The following MYBPC1 variants were observed in gnomAD, a reference collection of about 807,000 sequenced individuals.
The protein encoded by MYBPC1 is myosin-binding protein C, slow-type.
MYBPC1 carries 52 observed loss-of-function variants against 147.1 expected under a neutral mutation model. The observed-to-expected ratio is 0.35, with a 90% CI of 0.28 to 0.45. The LOEUF (loss-of-function observed/expected upper bound fraction) is 0.45, where lower values mean the gene tolerates loss of function less well. Ranked by LOEUF, MYBPC1 falls within the 20% of genes least tolerant of loss-of-function variation. The pLI is 1.00. For missense variants in MYBPC1, 1,228 were observed against 1,440.3 expected (o/e 0.85, Z 2.39); for synonymous variants, 477 against 475.9 (o/e 1.00, Z -0.03).
chr12:101,604,927 C>T (rs918188030), intron 1 of MYBPC1, among the ~76,000 whole-genome samples: 3 of 152,174 alleles, frequency 2.0e-5, no homozygotes, highest in African/African-American at 7.2e-5. Context: ...AAGGCACTGA[C>T]TTTCTGGGTC....
At chr12:101,619,432 C>A (rs1886878157) in intron 3 of MYBPC1, among the ~76,000 whole-genome samples, 1 of 152,124 alleles carries the variant, frequency 6.6e-6, no homozygotes, top group African/African-American at 2.4e-5. Flanking sequence ...TTGACATTGG[C>A]CCCCTCATCT....
chr12:101,670,507 G>A, intron 24 of MYBPC1, 98 bp downstream of exon 24: 1 of 1,038,050 alleles, frequency 9.6e-7, no homozygotes. Context: ...CATGATTCAG[G>A]ATTTCCTCAG....
chr12:101,596,474 C>G (rs868833336), intron 1 of MYBPC1, among the ~76,000 whole-genome samples: 1 of 152,216 alleles, frequency 6.6e-6, no homozygotes, highest in Non-Finnish European at 1.5e-5. Flanking sequence ...TACCCAGAAG[C>G]AATACATTCT....
At chr12:101,615,318 T>C (rs969579886) in intron 2 of MYBPC1, among the ~76,000 whole-genome samples, 2 of 152,174 alleles carry the variant, frequency 1.3e-5, no homozygotes, top group African/African-American at 4.8e-5. Context: ...ACCAAAATCA[T>C]GTGCATTTTC....
At chr12:101,670,441 T>C (rs925644276) in intron 24 of MYBPC1, 32 bp downstream of exon 24, 3 of 1,562,412 alleles carry the variant, frequency 1.9e-6, no homozygotes, top group Admixed American at 1.7e-5. Flanking sequence ...TTTTTCTCTT[T>C]AGAGGGCTGG....
rs767264905 is a variant in MYBPC1 at position 101,629,473 on chromosome 12, C to A, written c.218C>A (p.Ala73Asp). 8.7e-6 allele frequency: 14 copies of A among 1,613,804 alleles called. No homozygotes were observed. The African/African-American group carries it at 1.9e-4, about 22-fold the overall frequency. Reference sequence around the variant, plus strand: ...GAAACTCCTCCTGGGGAGGAACAAGCCAAGCAGAATGCCAACTCCCAGCTG... The same window carrying A: ...GAAACTCCTCCTGGGGAGGAACAAGACAAGCAGAATGCCAACTCCCAGCTG... ...LVETPPGEEQAKQNANSQLSI... is the reference protein window; with the variant it reads ...LVETPPGEEQDKQNANSQLSI... The change falls in exon 6 of 32, where the codon GCC becomes GAC. Residue 73 changes from alanine to aspartate, a missense_variant. Ala to Asp is a moderately radical substitution (Grantham distance 126). Transcript: ENST00000361466.
intron 6 of MYBPC1, among the ~76,000 whole-genome samples, chr12:101,630,498 C>A (rs895089948): frequency 6.6e-6 from 1 of 152,156 alleles, no homozygotes; most frequent in African/African-American, 2.4e-5. Flanking sequence ...TTGAACAGTG[C>A]CTGACACACC....
intron 2 of MYBPC1, chr12:101,614,895 C>T (rs190908123): frequency 6.0e-6 from 2 of 333,722 alleles, no homozygotes; most frequent in Admixed American, 4.4e-5. Context: ...TCAAACAAAC[C>T]CACATCTTCT....
chr12:101,617,518 C>A (rs1886403387), intron 3 of MYBPC1, among the ~76,000 whole-genome samples: 2 of 152,154 alleles, frequency 1.3e-5, no homozygotes, highest in Non-Finnish European at 2.9e-5. Context: ...CAAGTTTCGA[C>A]ATGCATGCTA....
chr12:101,605,813 G>A (rs890218248), intron 1 of MYBPC1, among the ~76,000 whole-genome samples: 14 of 152,166 alleles, frequency 9.2e-5, no homozygotes, highest in African/African-American at 3.1e-4. Context: ...ACTGAGCCGA[G>A]ATCATGCCAT....
At chr12:101,607,231 T>C (rs2135684171) in intron 1 of MYBPC1, among the ~76,000 whole-genome samples, 1 of 152,296 alleles carries the variant, frequency 6.6e-6, no homozygotes, top group Middle Eastern at 3.4e-3. Context: ...TGTCTGGGCA[T>C]ATGAGGTCCA....
In MYBPC1 at chr12:101,642,665, C is replaced by T; in HGVS notation, c.832+80C>T. On this transcript the variant is annotated intron_variant, in intron 11 of 31. Transcript: ENST00000361466. Reference sequence around the variant, plus strand: ...CCTTGACCGTGAACCCCATCCCGAGCTCCTTCCAGTCTCCCGCGGGGTTGG... The same window carrying T: ...CCTTGACCGTGAACCCCATCCCGAGTTCCTTCCAGTCTCCCGCGGGGTTGG... 5.4e-6 allele frequency: 8 copies of T among 1,482,896 alleles called. No individual in the cohort carries two copies. In the South Asian group the frequency reaches 7.3e-5, roughly 13 times the overall value. 91.9% of individuals were successfully genotyped at this position (1,482,896 alleles called of 1,614,324 possible).
intron 27 of MYBPC1, 144 bp from the exon 28 acceptor site, chr12:101,677,958 T>A (rs369942600): frequency 5.9e-5 from 61 of 1,033,796 alleles, no homozygotes; most frequent in African/African-American, 4.9e-4. Context: ...CCCCTCAGAA[T>A]GTTTGCCACA....
intron 16 of MYBPC1, among the ~76,000 whole-genome samples, chr12:101,651,735 G>A (rs936304015): frequency 1.3e-5 from 2 of 152,114 alleles, no homozygotes; most frequent in Non-Finnish European, 2.9e-5. Context: ...GAGCTCAGGA[G>A]TTCAAGAGCT....
At chr12:101,678,355 T>C (rs962989212) in intron 28 of MYBPC1, 117 bp downstream of exon 28, 3 of 1,436,886 alleles carry the variant, frequency 2.1e-6, no homozygotes, top group Non-Finnish European at 2.9e-6. Flanking sequence ...GGATGGGGGA[T>C]TAGAAGGTGG....
intron 22 of MYBPC1, 42 bp downstream of exon 22, chr12:101,663,602 G>T (rs776716442): frequency 1.3e-6 from 2 of 1,596,972 alleles, no homozygotes; most frequent in Admixed American, 1.7e-5. Flanking sequence ...GTCATCAATA[G>T]GTGAGATATG....
chr12:101,635,566 C>T (rs959150279), intron 9 of MYBPC1, among the ~76,000 whole-genome samples: 3 of 152,058 alleles, frequency 2.0e-5, no homozygotes, highest in East Asian at 3.8e-4. Context: ...TCCACTTTCC[C>T]TTCATCCCAT....
intron 3 of MYBPC1, among the ~76,000 whole-genome samples, chr12:101,621,655 T>C (rs1045302358): frequency 1.3e-5 from 2 of 152,222 alleles, no homozygotes; most frequent in Non-Finnish European, 2.9e-5. Context: ...GCTTTTGGTC[T>C]TTATTATTAA....
At position 101,662,487 on chromosome 12, in the gene MYBPC1, C is replaced by T. The variant is rs1414318034; in HGVS notation, c.2162C>T (p.Ala721Val). ...EGVAYEVRIF[A>V]VNAIGISKPS... is the part of the protein sequence containing the mutation. The stretch of plus-strand genomic sequence containing the variant: ...GTGGCCTATGAGGTCCGCATCTTTG[C>T]AGTCAATGCCATTGGCATCTCCAAG... The change falls in exon 21 of 32, where the codon GCA becomes GTA. Residue 721 changes from alanine (A) to valine (V), a missense_variant. Physicochemically the swap from Ala to Val is moderately conservative, Grantham distance 64. This residue lies in a region of MYBPC1 where 1,077 missense variants were observed against 1,314.2 expected (regional missense o/e 0.82). Transcript: ENST00000361466. 3 of 1,614,248 alleles carry T rather than the reference C, an allele frequency of 1.9e-6. No homozygotes were observed. The highest frequency in any genetic ancestry group is 2.5e-6 in the Non-Finnish European group (3 of 1,180,040).
Sources: allele counts gnomAD v4.1 joint callset (sites outside exome capture counted in the v4.1 genomes callset), GRCh38; gene constraint gnomAD v4.1.1; regional missense constraint gnomAD v4.1.1; transcripts MANE v1.5; gene names NCBI Gene and HGNC (gene_info 2026-07-23, HGNC 2026-07-21).